Variants in DCX observed in about 807,000 individuals in gnomAD.
DCX encodes neuronal migration protein doublecortin.
In DCX, 4 loss-of-function variants were observed where a neutral mutation model predicts 20.9. The observed-to-expected ratio is 0.19, with a 90% confidence interval of 0.09 to 0.44. The LOEUF (loss-of-function observed/expected upper bound fraction) is 0.44. Among genes scored for constraint, DCX ranks in the 20% least tolerant of loss-of-function variants. DCX has a pLI of 0.99. For synonymous variants in DCX, 103 were observed against 111.4 expected, an observed-to-expected ratio of 0.92 and a Z score of 0.47; for missense variants, 133 against 296.9, an observed-to-expected ratio of 0.45 and a Z score of 4.06.
chrX:111,304,663 G>T (rs1386509960), intron 6 of DCX, among the ~76,000 whole-genome samples: 1 of 111,609 alleles, frequency 9.0e-6, no homozygotes, highest in Non-Finnish European at 1.9e-5. Flanking sequence ...CACTCGCTGT[G>T]AACAGCCTTT....
intron 2 of DCX, among the ~76,000 whole-genome samples, chrX:111,406,457 T>A (rs1928217638): frequency 8.9e-6 from 1 of 111,929 alleles, no homozygotes; most frequent in Non-Finnish European, 1.9e-5. Flanking sequence ...CTTGTCAATA[T>A]GTTTCCATAT....
intron 5 of DCX, among the ~76,000 whole-genome samples, chrX:111,316,205 A>T (rs1372367091): frequency 1.8e-5 from 2 of 109,592 alleles, no homozygotes; most frequent in Non-Finnish European, 3.8e-5. Context: ...CAAGACAAGG[A>T]TGTCCTCTCT....
chrX:111,394,316 G>T (rs1434164503), intron 3 of DCX, among the ~76,000 whole-genome samples: 4 of 111,705 alleles, frequency 3.6e-5, no homozygotes, highest in Non-Finnish European at 5.6e-5. Context: ...ATAAGTGATT[G>T]TTTAGGGATG....
At chrX:111,366,106 TTA>T (rs1924615914) in intron 3 of DCX, among the ~76,000 whole-genome samples, 2 of 112,266 alleles carry the variant, frequency 1.8e-5, no homozygotes, top group Admixed American at 1.9e-4. Flanking sequence ...ATATAAATCC[TTA>T]TAACCTTGCC....
chrX:111,313,135 C>T lies in DCX; in HGVS notation c.947-399G>A, dbSNP rs898236869. On this transcript the variant is annotated intron_variant, in intron 5 of 6. Coordinates refer to ENST00000636035, the MANE Select transcript of DCX (RefSeq NM_001195553.2). The stretch of plus-strand genomic sequence containing the variant: ...GGCACAGAGAGGTTATGTGCCTTAC[C>T]TTAAAGGGGAAGAAATATGGGCAAT... Among the ~76,000 whole-genome samples the T allele has an allele frequency of 5.4e-5, 6 of 110,870 alleles. No individual in the cohort carries two copies. In the South Asian group the frequency reaches 2.3e-3, roughly 43 times the overall value.
At chrX:111,336,163 C>T (rs941459919) in intron 3 of DCX, among the ~76,000 whole-genome samples, 2 of 111,948 alleles carry the variant, frequency 1.8e-5, no homozygotes, top group Non-Finnish European at 3.8e-5. Flanking sequence ...GCAGCCATCT[C>T]AGACACATGC....
At chrX:111,313,441 G>A (rs1198706078) in intron 5 of DCX, among the ~76,000 whole-genome samples, 1 of 110,949 alleles carries the variant, frequency 9.0e-6, no homozygotes, top group African/African-American at 3.3e-5. Context: ...GAATGACAAA[G>A]AGATTGGGAA....
chrX:111,316,089 A>ATAAAT (rs1175732532), intron 5 of DCX, among the ~76,000 whole-genome samples: 2,049 of 89,521 alleles, frequency 0.023, 73 homozygotes, highest in African/African-American at 0.098. Context: ...TAAAAAATAA[A>ATAAAT]AAAAAAAAAA....
chrX:111,313,144 G>A (rs899160932), intron 5 of DCX, among the ~76,000 whole-genome samples: 2 of 111,044 alleles, frequency 1.8e-5, no homozygotes, highest in African/African-American at 6.6e-5. Flanking sequence ...CCTTAAAGGG[G>A]AAGAAATATG....
At chrX:111,379,266 T>C (rs1157784823) in intron 3 of DCX, among the ~76,000 whole-genome samples, 1 of 111,485 alleles carries the variant, frequency 9.0e-6, no homozygotes, top group Non-Finnish European at 1.9e-5. Flanking sequence ...AATTAAATGG[T>C]TTTTGGTACA....
intron 5 of DCX, among the ~76,000 whole-genome samples, chrX:111,313,773 C>G (rs1050783698): frequency 9.2e-6 from 1 of 108,856 alleles, no homozygotes; most frequent in South Asian, 4.1e-4. Flanking sequence ...ACACTTCATA[C>G]TAAAGTATTT....
intron 3 of DCX, among the ~76,000 whole-genome samples, chrX:111,336,820 G>GA (rs1020404436): frequency 1.8e-5 from 2 of 111,848 alleles, no homozygotes; most frequent in Admixed American, 9.5e-5. Flanking sequence ...TTACTGGATT[G>GA]AAAAAATAAG....
chrX:111,336,111 T>C (rs1260982848), intron 3 of DCX, among the ~76,000 whole-genome samples: 1 of 112,287 alleles, frequency 8.9e-6, no homozygotes. Context: ...TGGAGGTATT[T>C]GTGGAAATTG....
At chrX:111,316,086 T>TAAAAAAAAAAAAAAAAA (rs754058802) in intron 5 of DCX, among the ~76,000 whole-genome samples, 3 of 50,628 alleles carry the variant, frequency 5.9e-5, no homozygotes, top group African/African-American at 8.0e-5. Flanking sequence ...TAATAAAAAA[T>TAAAAAAAAAAAAAAAAA]AAAAAAAAAA....
chrX:111,363,101 T>C (rs1924340611), intron 3 of DCX, among the ~76,000 whole-genome samples: 1 of 111,142 alleles, frequency 9.0e-6, no homozygotes, highest in African/African-American at 3.3e-5. Context: ...ACCATTTATC[T>C]ACCTATCTCC....
chrX:111,297,365 G>C lies in DCX; in HGVS notation c.*4322C>G. 1 of 111,540 alleles carries C rather than the reference G, an allele frequency of 9.0e-6. No individual in the cohort carries two copies. The highest frequency in any genetic ancestry group is 9.5e-5 in the Admixed American group (1 of 10,546). 9.2% of individuals were successfully genotyped at this position (111,540 alleles called of 1,213,427 possible). On this transcript the variant is annotated 3_prime_UTR_variant, in exon 7 of 7. Coordinates refer to ENST00000636035, the MANE Select transcript of DCX (RefSeq NM_001195553.2). ...ATAGGCATCCTGTTCTCTTGTCCTAGGGATATGGATTTTTAAAAAATAAAA... is the reference window on the plus strand; with the variant it reads ...ATAGGCATCCTGTTCTCTTGTCCTACGGATATGGATTTTTAAAAAATAAAA...
chrX:111,318,380 A>T (rs2147608258), intron 5 of DCX, among the ~76,000 whole-genome samples: 1 of 105,334 alleles, frequency 9.5e-6, no homozygotes, highest in East Asian at 2.9e-4. Flanking sequence ...AATAATAATA[A>T]TAATAATAAC....
chrX:111,312,909 C>T (rs1249015991), intron 5 of DCX, among the ~76,000 whole-genome samples, 173 bp from the exon 6 acceptor site: 2 of 111,995 alleles, frequency 1.8e-5, no homozygotes, highest in Non-Finnish European at 3.8e-5. Flanking sequence ...AGGGCAAGAA[C>T]TGCAATCCTC....
intron 3 of DCX, among the ~76,000 whole-genome samples, chrX:111,370,963 A>G (rs1313429954): frequency 8.9e-6 from 1 of 111,820 alleles, no homozygotes; most frequent in Admixed American, 9.5e-5. Flanking sequence ...AACATTTGCT[A>G]TATTTGCTTT....
Sources: allele counts gnomAD v4.1 joint callset (sites outside exome capture counted in the v4.1 genomes callset), GRCh38; gene constraint gnomAD v4.1.1; transcripts MANE v1.5; gene names NCBI Gene and HGNC (gene_info 2026-07-23, HGNC 2026-07-21).